The following CDKAL1 variants were observed in gnomAD, a reference collection of about 807,000 sequenced individuals.
CDKAL1 encodes the protein threonylcarbamoyladenosine tRNA methylthiotransferase.
CDKAL1 carries 32 observed loss-of-function variants against 68.2 expected under a neutral mutation model. That is an observed-to-expected ratio of 0.47 (90% CI 0.35 to 0.63). The LOEUF is 0.63. Ranked by LOEUF, CDKAL1 falls within the 30% of genes least tolerant of loss-of-function variation. The pLI, the probability that CDKAL1 is intolerant of heterozygous loss-of-function variation, is 0.00. For synonymous variants in CDKAL1, 234 were observed against 244.3 expected, an observed-to-expected ratio of 0.96 and a Z score of 0.39; for missense variants, 606 against 696.7, an observed-to-expected ratio of 0.87 and a Z score of 1.47.
intron 9 of CDKAL1, among the ~76,000 whole-genome samples, chr6:20,954,578 G>A (rs1455984848): frequency 1.3e-5 from 2 of 152,048 alleles, no homozygotes; most frequent in Non-Finnish European, 2.9e-5. Flanking sequence ...CATTGAATAT[G>A]GATTGAGAAA....
chr6:21,097,242 G>A (rs1382233502), intron 12 of CDKAL1, among the ~76,000 whole-genome samples: 1 of 152,172 alleles, frequency 6.6e-6, no homozygotes, highest in Non-Finnish European at 1.5e-5. Flanking sequence ...GGCTGAGGCT[G>A]TTGGATTACC....
intron 5 of CDKAL1, among the ~76,000 whole-genome samples, chr6:20,709,695 CATT>C (rs1370329948): frequency 3.3e-5 from 5 of 152,204 alleles, no homozygotes; most frequent in African/African-American, 7.2e-5. Flanking sequence ...TAATTGAACT[CATT>C]GTTGTCATAA....
intron 8 of CDKAL1, among the ~76,000 whole-genome samples, chr6:20,806,360 T>A (rs1169619925): frequency 1.3e-5 from 2 of 152,202 alleles, no homozygotes; most frequent in African/African-American, 4.8e-5. Context: ...CATACCACAT[T>A]TTCTTTGTTC....
intron 12 of CDKAL1, among the ~76,000 whole-genome samples, chr6:21,092,361 T>G (rs1218128421): frequency 6.6e-6 from 1 of 151,672 alleles, no homozygotes; most frequent in Non-Finnish European, 1.5e-5. Context: ...ACCCTTCATC[T>G]AGGTTTTAAG....
intron 10 of CDKAL1, among the ~76,000 whole-genome samples, chr6:20,981,158 T>A (rs1766123481): frequency 6.6e-6 from 1 of 152,214 alleles, no homozygotes; most frequent in Non-Finnish European, 1.5e-5. Context: ...ATTTTTGAAC[T>A]TCTTTTATAT....
At chr6:20,838,795 A>G (rs1159828018) in intron 8 of CDKAL1, among the ~76,000 whole-genome samples, 1 of 152,124 alleles carries the variant, frequency 6.6e-6, no homozygotes, top group African/African-American at 2.4e-5. Context: ...TAACACGGTG[A>G]AACCCCGTCT....
At position 20,649,291 on chromosome 6, in the gene CDKAL1, A is replaced by G; in HGVS notation, c.287-2A>G. The G allele has an allele frequency of 6.2e-7, 1 of 1,601,352 alleles. No individual in the cohort carries two copies. Among genetic ancestry groups the G allele is most frequent in the South Asian group, 1.1e-5 (1 of 88,976 alleles). On this transcript the variant is annotated splice_acceptor_variant, in intron 4 of 15. Coordinates refer to ENST00000274695, the MANE Select transcript of CDKAL1 (RefSeq NM_017774.3). LOFTEE classifies it high-confidence loss of function. ...TCTTTTTTGTGTTCATTTTTTTAAT[A>G]GAAAATGCATCCGATGCAGATTTAT... is the stretch of plus-strand genomic sequence containing the variant.
intron 6 of CDKAL1, among the ~76,000 whole-genome samples, chr6:20,741,955 C>T (rs1389858151): frequency 6.6e-6 from 1 of 152,164 alleles, no homozygotes; most frequent in Admixed American, 6.6e-5. Context: ...CTTTTCTCCA[C>T]AGTCTTGCCA....
At chr6:21,001,205 T>C (rs1767408998) in intron 11 of CDKAL1, among the ~76,000 whole-genome samples, 1 of 152,252 alleles carries the variant, frequency 6.6e-6, no homozygotes, top group Non-Finnish European at 1.5e-5. Flanking sequence ...CCTTTTCCTT[T>C]GTTGTTTTTC....
intron 8 of CDKAL1, among the ~76,000 whole-genome samples, chr6:20,831,139 C>A (rs1323165237): frequency 6.6e-6 from 1 of 152,022 alleles, no homozygotes; most frequent in Non-Finnish European, 1.5e-5. Flanking sequence ...CTTTATTAAT[C>A]AAAATAGGAA....
intron 4 of CDKAL1, among the ~76,000 whole-genome samples, chr6:20,553,736 G>T (rs1763923707): frequency 6.6e-6 from 1 of 152,150 alleles, no homozygotes; most frequent in South Asian, 2.1e-4. Flanking sequence ...TCGGCCTCCG[G>T]AGTAGCTGGG....
intron 11 of CDKAL1, among the ~76,000 whole-genome samples, chr6:21,024,094 T>C (rs1044055127): frequency 6.6e-6 from 1 of 152,196 alleles, no homozygotes; most frequent in African/African-American, 2.4e-5. Flanking sequence ...AAGAAAATAA[T>C]GAGAAATACC....
chr6:20,792,618 T>C (rs1775945033), intron 8 of CDKAL1, among the ~76,000 whole-genome samples: 1 of 152,212 alleles, frequency 6.6e-6, no homozygotes, highest in African/African-American at 2.4e-5. Flanking sequence ...GAACAAGATA[T>C]GCAAGTATGG....
intron 9 of CDKAL1, among the ~76,000 whole-genome samples, chr6:20,953,858 A>C (rs868360014): frequency 2.4e-4 from 36 of 152,200 alleles, no homozygotes; most frequent in South Asian, 1.7e-3. Flanking sequence ...TATATCCATA[A>C]TACTACTAAT....
At chr6:21,032,863 T>A (rs1769373201) in intron 11 of CDKAL1, among the ~76,000 whole-genome samples, 1 of 152,214 alleles carries the variant, frequency 6.6e-6, no homozygotes, top group Non-Finnish European at 1.5e-5. Context: ...ATTTAAGTGA[T>A]GCATGACTGT....
chr6:20,937,397 T>C (rs1763773030), intron 9 of CDKAL1, among the ~76,000 whole-genome samples: 1 of 152,230 alleles, frequency 6.6e-6, no homozygotes, highest in Non-Finnish European at 1.5e-5. Context: ...TTTAAATGTT[T>C]CTATTTTAAC....
Position 21,101,722 on chromosome 6 carries a change from AGTCTCCAAAACCAGT to A in CDKAL1, c.1237-6678_1237-6664del, listed in dbSNP as rs1440180843. On this transcript the variant is annotated intron_variant, in intron 12 of 15. Coordinates refer to ENST00000274695, the MANE Select transcript of CDKAL1 (RefSeq NM_017774.3). ...GAACTGAATTATCCTTTTTTCCCCC[AGTCTCCAAAACCAGT>A]CTCAGTCTCTAGACTGAGTGAAGGG... Among the ~76,000 whole-genome samples, 799 of 152,072 alleles carry A rather than the reference AGTCTCCAAAACCAGT, an allele frequency of 5.3e-3. 6 individuals carry two copies. Among genetic ancestry groups the A allele is most frequent in the African/African-American group, 0.017 (726 of 41,506 alleles).
At chr6:20,602,135 A>G (rs986555014) in intron 4 of CDKAL1, among the ~76,000 whole-genome samples, 4 of 152,166 alleles carry the variant, frequency 2.6e-5, no homozygotes, top group Non-Finnish European at 5.9e-5. Flanking sequence ...TTATAATACT[A>G]TTTTGTAGAT....
rs182568798 is a variant in CDKAL1 at position 21,207,668 on chromosome 6, C to T, written c.1548+6394C>T. On this transcript the variant is annotated intron_variant, in intron 15 of 15. Coordinates refer to ENST00000274695, the MANE Select transcript of CDKAL1 (RefSeq NM_017774.3). ...CTTGGGCAAGTTACTCAATGTCCCT[C>T]CACCTCAGTTCTCCCTATGTAAATG... 3.3e-5 allele frequency among the ~76,000 whole-genome samples: 5 copies of T among 152,310 alleles called. No homozygotes were observed. The East Asian group carries it at 9.6e-4, about 29-fold the overall frequency.
Sources: gnomAD v4.1 joint callset for allele counts (sites outside exome capture counted in the v4.1 genomes callset) on GRCh38, gnomAD v4.1.1 for gene constraint, MANE v1.5 for transcripts, NCBI Gene and HGNC (gene_info 2026-07-23, HGNC 2026-07-21) for gene names.